The following ARHGEF28 variants were observed in gnomAD, a reference collection of about 807,000 sequenced individuals.
ARHGEF28 encodes 190 kDa guanine nucleotide exchange factor.
In ARHGEF28, 152 loss-of-function variants were observed where a neutral mutation model predicts 206.6. The ratio of observed to expected loss-of-function variants is 0.74; its 90% confidence interval spans 0.64 to 0.84. The LOEUF is 0.84. ARHGEF28 is among the 40% of genes least tolerant of loss of function. The pLI, the probability that ARHGEF28 is intolerant of heterozygous loss-of-function variation, is 0.00. For missense variants in ARHGEF28, 2,028 were observed against 2,073.2 expected (o/e 0.98, Z 0.42); for synonymous variants, 763 against 776.4 (o/e 0.98, Z 0.29).
At chr5:73,688,876 G>A (rs1260993776) in intron 2 of ARHGEF28, among the ~76,000 whole-genome samples, 3 of 152,140 alleles carry the variant, frequency 2.0e-5, no homozygotes, top group Non-Finnish European at 2.9e-5. Context: ...GGATGGCCTC[G>A]ATATCTTGAC....
intron 35 of ARHGEF28, among the ~76,000 whole-genome samples, chr5:73,930,374 CT>C (rs1764040009): frequency 6.6e-6 from 1 of 152,156 alleles, no homozygotes. Context: ...TTTTTATTGG[CT>C]GTTTAGGTTC....
At chr5:73,747,149 A>G (rs963079338) in intron 2 of ARHGEF28, among the ~76,000 whole-genome samples, 13 of 152,186 alleles carry the variant, frequency 8.5e-5, no homozygotes, top group African/African-American at 2.4e-4. Context: ...TATTGTTTCT[A>G]TGTAGAAGCA....
Position 73,840,609 on chromosome 5 carries a change from G to A in ARHGEF28, c.1276G>A (p.Val426Met), listed in dbSNP as rs199889911. 41 of 1,613,866 alleles carry A rather than the reference G, an allele frequency of 2.5e-5. No individual in the cohort carries two copies. Among genetic ancestry groups the A allele is most frequent in the Non-Finnish European group, 3.3e-5 (39 of 1,179,876 alleles). The change falls in exon 11 of 36, where the codon GTG becomes ATG. Residue 426 changes from valine (V) to methionine (M), a missense_variant. Val to Met is a conservative substitution (Grantham distance 21). Around this residue, in one of 3 missense-constraint regions of ARHGEF28, gnomAD observed 1,002 missense variants for 1,015.3 expected, o/e 0.99. Coordinates refer to ENST00000513042, the MANE Select transcript of ARHGEF28 (RefSeq NM_001177693.2). Reference sequence around the variant, plus strand: ...CCTTCCTACAGAAACCAGTCCCAGTGTGTACCCACTTAGTGAAAATGTCGA... The same window carrying A: ...CCTTCCTACAGAAACCAGTCCCAGTATGTACCCACTTAGTGAAAATGTCGA... ...HTLPTETSPSVYPLSENVEGT... is the reference protein window; with the variant it reads ...HTLPTETSPSMYPLSENVEGT...
chr5:73,806,527 G>A (rs1419270528), intron 9 of ARHGEF28, among the ~76,000 whole-genome samples: 20 of 122,824 alleles, frequency 1.6e-4, no homozygotes, highest in South Asian at 5.1e-4. Flanking sequence ...TATGTATATA[G>A]TATATATCTA....
chr5:73,746,301 A>AT (rs1351537567), intron 2 of ARHGEF28, among the ~76,000 whole-genome samples: 1 of 152,138 alleles, frequency 6.6e-6, no homozygotes, highest in Non-Finnish European at 1.5e-5. Context: ...TTAAGTAATC[A>AT]TGCAATTGTG....
chr5:73,894,294 T>G (rs2973530), intron 28 of ARHGEF28, 99 bp from the exon 29 acceptor site: 2 of 1,251,382 alleles, frequency 1.6e-6, no homozygotes, highest in Admixed American at 2.2e-5. Context: ...CTTGGAGGTC[T>G]TACTGCTTGC....
chr5:73,909,685 T>C lies in ARHGEF28; in HGVS notation c.4435T>C (p.Cys1479Arg). 1 of 1,536,866 alleles carries C rather than the reference T, an allele frequency of 6.5e-7. No individual in the cohort carries two copies. The highest frequency in any genetic ancestry group is 8.8e-7 in the Non-Finnish European group (1 of 1,140,432). Residue 1479 changes from cysteine to arginine, a missense_variant, in exon 34 of 36, where the codon TGC (cysteine) becomes CGC (arginine). Cys to Arg is a radical substitution (Grantham distance 180). Coordinates refer to ENST00000513042, the MANE Select transcript of ARHGEF28 (RefSeq NM_001177693.2). ...CTGGCTGCAGGAGCGGGAGCGGGAG[T>C]GCCAGTCGCAGGAGGAGCTGCTGCT... Reference protein sequence around the residue: ...ESWLQERERECQSQEELLLRS... With the variant: ...ESWLQERERERQSQEELLLRS...
chr5:73,872,329 GTTAT>G (rs954842755), intron 21 of ARHGEF28, among the ~76,000 whole-genome samples: 15 of 151,742 alleles, frequency 9.9e-5, no homozygotes, highest in African/African-American at 2.2e-4. Context: ...TTTTGAATTG[GTTAT>G]TTATTTATTT....
chr5:73,822,697 A>G (rs1756672368), intron 9 of ARHGEF28, among the ~76,000 whole-genome samples: 1 of 152,122 alleles, frequency 6.6e-6, no homozygotes, highest in Non-Finnish European at 1.5e-5. Flanking sequence ...AACATAGCTC[A>G]CTGCAGCTTC....
chr5:73,933,784 C>G (rs2112037650), intron 35 of ARHGEF28, among the ~76,000 whole-genome samples: 1 of 152,170 alleles, frequency 6.6e-6, no homozygotes, highest in African/African-American at 2.4e-5. Context: ...ACTTCAATAC[C>G]TTTGTCTAAA....
chr5:73,638,181 G>A (rs1743846331), intron 1 of ARHGEF28, among the ~76,000 whole-genome samples: 5 of 151,988 alleles, frequency 3.3e-5, no homozygotes, highest in Admixed American at 3.3e-4. Flanking sequence ...TTCAAAGTTG[G>A]GCTTATAAAT....
chr5:73,884,399 G>A (rs1333513450), intron 24 of ARHGEF28, among the ~76,000 whole-genome samples: 1 of 152,142 alleles, frequency 6.6e-6, no homozygotes, highest in Non-Finnish European at 1.5e-5. Flanking sequence ...GCTCCTTGTG[G>A]GATCTATAAG....
chr5:73,876,772 C>T (rs1264360129), intron 22 of ARHGEF28, among the ~76,000 whole-genome samples: 1 of 151,060 alleles, frequency 6.6e-6, no homozygotes, highest in East Asian at 1.9e-4. Context: ...GGATGAAGCC[C>T]ACTTGATCAT....
At chr5:73,827,565 A>G (rs1445918238) in intron 9 of ARHGEF28, among the ~76,000 whole-genome samples, 2 of 152,226 alleles carry the variant, frequency 1.3e-5, no homozygotes, top group African/African-American at 2.4e-5. Flanking sequence ...AGAGAGCTTA[A>G]GTAACTTGCC....
chr5:73,880,807 CT>C (rs879646600), intron 22 of ARHGEF28, among the ~76,000 whole-genome samples: 1 of 152,030 alleles, frequency 6.6e-6, no homozygotes, highest in African/African-American at 2.4e-5. Context: ...GTGGTATGCA[CT>C]TGTAGTCCCA....
chr5:73,918,868 T>C (rs77696000), intron 35 of ARHGEF28, among the ~76,000 whole-genome samples: 21,040 of 152,234 alleles, frequency 0.14, 1,720 homozygotes, highest in South Asian at 0.3. Context: ...TATTCAGAGA[T>C]TGTGATTTGA....
At chr5:73,831,371 A>G (rs957515262) in intron 9 of ARHGEF28, among the ~76,000 whole-genome samples, 1 of 152,238 alleles carries the variant, frequency 6.6e-6, no homozygotes, top group African/African-American at 2.4e-5. Flanking sequence ...CATTCTCTAC[A>G]AACACAGTAA....
intron 1 of ARHGEF28, among the ~76,000 whole-genome samples, chr5:73,681,010 G>A (rs1209906855): frequency 6.6e-6 from 1 of 151,432 alleles, no homozygotes; most frequent in Non-Finnish European, 1.5e-5. Flanking sequence ...GCCAAGGAAT[G>A]CATTTTAGTT....
chr5:73,704,760 A>G (rs755647329), intron 2 of ARHGEF28, among the ~76,000 whole-genome samples: 6 of 152,208 alleles, frequency 3.9e-5, no homozygotes, highest in Non-Finnish European at 7.3e-5. Context: ...GCAGGAAAAC[A>G]TAAAATGTGT....
Sources: allele counts gnomAD v4.1 joint callset (sites outside exome capture counted in the v4.1 genomes callset), GRCh38; gene constraint gnomAD v4.1.1; regional missense constraint gnomAD v4.1.1; transcripts MANE v1.5; gene names NCBI Gene and HGNC (gene_info 2026-07-23, HGNC 2026-07-21).